The following ZMIZ2 variants were observed in gnomAD, a reference collection of about 807,000 sequenced individuals.
ZMIZ2 encodes the protein zinc finger MIZ domain-containing protein 2.
A neutral mutation model predicts 93.9 loss-of-function variants in ZMIZ2; 26 were observed. The observed-to-expected ratio is 0.28, with a 90% CI of 0.20 to 0.38. The LOEUF is 0.38. Among genes scored for constraint, ZMIZ2 ranks in the 10% least tolerant of loss-of-function variants. The probability of loss-of-function intolerance (pLI) is 1.00; values close to 1 mark genes in which losing one functional copy is unlikely to be tolerated. For missense variants in ZMIZ2, 1,023 were observed against 1,235.0 expected (o/e 0.83, Z 2.57); for synonymous variants, 485 against 516.4 (o/e 0.94, Z 0.82).
chr7:44,765,801 T>G lies in ZMIZ2; in HGVS notation c.2242+222T>G. 1.0e-6 allele frequency: 1 copy of G among 984,296 alleles called. No individual in the cohort carries two copies. The highest frequency in any genetic ancestry group is 1.4e-6 in the Non-Finnish European group (1 of 693,230). The allele number at this position is 984,296 out of a possible 1,614,324, so 61.0% of individuals were successfully genotyped here. ...AGCTATGGTCCCAGGAAACAGACAG[T>G]GGGGCCTCCACCCTTCCTTCCCCGT... On this transcript the variant is annotated intron_variant, in intron 16 of 18. Transcript: ENST00000309315. This position sits in a 1 kb window ranked among gnomAD's most constrained non-coding sequence, Gnocchi z 4.1.
intron 1 of ZMIZ2, among the ~76,000 whole-genome samples, chr7:44,751,916 C>A (rs377364047): frequency 6.6e-6 from 1 of 151,204 alleles, no homozygotes; most frequent in Admixed American, 6.6e-5. Flanking sequence ...GAGCCTAGAT[C>A]GTGCCACTGC....
Position 44,765,207 on chromosome 7 carries a change from G to C in ZMIZ2, c.1998-128G>C. On this transcript the variant is annotated intron_variant, in intron 15 of 18. Transcript: ENST00000309315. The surrounding 1 kb of genome is among the most constrained non-coding windows in gnomAD (Gnocchi z 4.1). ...GCCCAGCGTCCTGCTCGATGTGGAA[G>C]GTGCTGGGTGGAAGCAAGCATTTGA... 1 of 1,527,626 alleles carries C rather than the reference G, an allele frequency of 6.5e-7. No individual in the cohort carries two copies. The highest frequency in any genetic ancestry group is 8.8e-7 in the Non-Finnish European group (1 of 1,131,076). 94.6% of individuals were successfully genotyped at this position (1,527,626 alleles called of 1,614,324 possible).
At chr7:44,753,165 CTCTT>C (rs1353687496) in intron 1 of ZMIZ2, among the ~76,000 whole-genome samples, 3 of 150,054 alleles carry the variant, frequency 2.0e-5, no homozygotes, top group African/African-American at 4.9e-5. Context: ...GGCAAAGTGT[CTCTT>C]TATGTTTTTT....
In ZMIZ2 at chr7:44,766,249, G is replaced by A. The variant is rs1415519643; in HGVS notation, c.2328G>A (p.Pro776=). 1.1e-5 allele frequency: 13 copies of A among 1,138,832 alleles called. No individual in the cohort carries two copies. The highest frequency in any genetic ancestry group is 1.5e-5 in the Non-Finnish European group (12 of 821,416). 70.5% of individuals were successfully genotyped at this position (1,138,832 alleles called of 1,614,324 possible). Residue 776 remains proline (P), a synonymous_variant, in exon 17 of 19, where the codon CCG becomes CCA. Transcript: ENST00000309315. The surrounding 1 kb of genome is among the most constrained non-coding windows in gnomAD (Gnocchi z 4.4). ...PSTPTLAEFT[P]GPPPISYQSD... ...CCCCAACCCTTGCTGAGTTCACCCC[G>A]GGACCACCCCCCATCTCCTACCAGT...
rs753815627 is a variant in ZMIZ2 at position 44,765,387 on chromosome 7, C to T, written c.2050C>T (p.Pro684Ser). The change falls in exon 16 of 19, where the codon CCC (proline) becomes TCC (serine). Residue 684 changes from proline (P) to serine (S), a missense_variant. Physicochemically the swap from Pro to Ser is moderately conservative, Grantham distance 74. Transcript: ENST00000309315. This position sits in a 1 kb window ranked among gnomAD's most constrained non-coding sequence, Gnocchi z 4.1. ...IDPTCSWKPV[P>S]VKPDMHIKEE... The stretch of plus-strand genomic sequence containing the variant: ...CCCCACGTGCAGCTGGAAGCCAGTG[C>T]CCGTGAAGCCTGACATGCACATCAA... 2.5e-6 allele frequency: 4 copies of T among 1,613,304 alleles called. No homozygotes were observed. Among genetic ancestry groups the T allele is most frequent in the Admixed American group, 3.3e-5 (2 of 60,022 alleles).
chr7:44,761,142 G>A lies in ZMIZ2; in HGVS notation c.1241-307G>A, dbSNP rs1791134160. ...GCCTCCCAGTCTCTCTGAAAGCACT[G>A]GAAACACCTTTTGTCTGGGCTGGGG... On this transcript the variant is annotated intron_variant, in intron 9 of 18. Coordinates refer to ENST00000309315, the MANE Select transcript of ZMIZ2 (RefSeq NM_031449.4). This position sits in a 1 kb window ranked among gnomAD's most constrained non-coding sequence, Gnocchi z 5.8. Among the ~76,000 whole-genome samples, 1 of 152,230 alleles carries A rather than the reference G, an allele frequency of 6.6e-6. No individual in the cohort carries two copies. The highest frequency in any genetic ancestry group is 2.1e-4 in the South Asian group (1 of 4,830).
At chr7:44,762,055 C>G in intron 11 of ZMIZ2, 150 bp downstream of exon 11, 2 of 1,041,146 alleles carry the variant, frequency 1.9e-6, no homozygotes, top group Non-Finnish European at 2.6e-6. Context: ...GGCGGGCCGG[C>G]CTGCAGCACC....
chr7:44,762,264 C>T (rs1425853093), intron 11 of ZMIZ2, among the ~76,000 whole-genome samples: 1 of 152,224 alleles, frequency 6.6e-6, no homozygotes, highest in African/African-American at 2.4e-5. Flanking sequence ...TATACCCTAG[C>T]TGTTTTCCAG....
At position 44,749,195 on chromosome 7, in the gene ZMIZ2, C is replaced by CT. The variant is rs1162765618; in HGVS notation, c.-63+205dup. ...TGGGGCTAGAGGCTCTGCCGCCCACCTGCCGGCACCTGCCACGCGTGCGTC... is the reference window on the plus strand; with the variant it reads ...TGGGGCTAGAGGCTCTGCCGCCCACCTTGCCGGCACCTGCCACGCGTGCGTC... On this transcript the variant is annotated intron_variant, in intron 1 of 18. Coordinates refer to ENST00000309315, the MANE Select transcript of ZMIZ2 (RefSeq NM_031449.4). 3.9e-5 allele frequency among the ~76,000 whole-genome samples: 6 copies of CT among 152,288 alleles called. No individual in the cohort carries two copies. In the East Asian group the frequency reaches 1.2e-3, roughly 30 times the overall value.
chr7:44,751,881 G>A (rs1456622148), intron 1 of ZMIZ2, among the ~76,000 whole-genome samples: 2 of 151,914 alleles, frequency 1.3e-5, no homozygotes, highest in African/African-American at 4.8e-5. Flanking sequence ...AGAATCGCTT[G>A]AACCTGGGAG....
chr7:44,760,532 C>G lies in ZMIZ2; in HGVS notation c.1179C>G (p.Val393=). The G allele has an allele frequency of 6.2e-7, 1 of 1,614,162 alleles. No individual in the cohort carries two copies. The highest frequency in any genetic ancestry group is 8.5e-7 in the Non-Finnish European group (1 of 1,180,030). Residue 393 remains valine (V), a synonymous_variant, in exon 9 of 19, where the codon GTC becomes GTG. Coordinates refer to ENST00000309315, the MANE Select transcript of ZMIZ2 (RefSeq NM_031449.4). ...CTTACATGTCACCAAACCAAGAGGT[C>G]AAGTCTCCCTTCTTGCCTGATCTCA... ...SVPYMSPNQE[V]KSPFLPDLKP...
In ZMIZ2 at chr7:44,766,518, A is replaced by G. The variant is rs748134289; in HGVS notation, c.2510A>G (p.His837Arg). 6.8e-5 allele frequency: 110 copies of G among 1,613,966 alleles called. No individual in the cohort carries two copies. The East Asian group carries it at 2.4e-3, about 35-fold the overall frequency. Reference protein sequence around the residue: ...LGAPPGPQLHHSNPPPASRQS... With the variant: ...LGAPPGPQLHRSNPPPASRQS... ...GCCCCTCCAGGTCCCCAGCTGCACC[A>G]TTCAAACCCTCCCCCAGCGTCCCGG... Residue 837 changes from histidine (H) to arginine (R), a missense_variant, in exon 18 of 19, where the codon CAT becomes CGT. Transcript: ENST00000309315. This position sits in a 1 kb window ranked among gnomAD's most constrained non-coding sequence, Gnocchi z 4.4.
intron 5 of ZMIZ2, 51 bp downstream of exon 5, chr7:44,757,612 G>A (rs1014155050): frequency 2.6e-6 from 4 of 1,538,798 alleles, no homozygotes; most frequent in Admixed American, 2.0e-5. Context: ...TGAGGGCCTG[G>A]GAGGAGGTAC....
rs768309589 is a variant in ZMIZ2 at position 44,765,616 on chromosome 7, C to T, written c.2242+37C>T. The T allele has an allele frequency of 3.2e-5, 51 of 1,577,626 alleles. No homozygotes were observed. The East Asian group carries it at 4.1e-4, about 13-fold the overall frequency. ...AGGCTAGCCTTGAACCTCAGATGACCCTGGGCATATGGCTCCTCTCCCCAG... is the reference window on the plus strand; with the variant it reads ...AGGCTAGCCTTGAACCTCAGATGACTCTGGGCATATGGCTCCTCTCCCCAG... On this transcript the variant is annotated intron_variant, in intron 16 of 18. Transcript: ENST00000309315. This position sits in a 1 kb window ranked among gnomAD's most constrained non-coding sequence, Gnocchi z 4.1.
At chr7:44,756,853 A>T in intron 3 of ZMIZ2, 94 bp from the exon 4 acceptor site, 1 of 1,368,552 alleles carries the variant, frequency 7.3e-7, no homozygotes, top group Non-Finnish European at 1.0e-6. Flanking sequence ...CCCCCAACCC[A>T]CTTGCCAGGC....
intron 1 of ZMIZ2, among the ~76,000 whole-genome samples, chr7:44,752,779 C>T (rs1790268084): frequency 6.6e-6 from 1 of 152,202 alleles, no homozygotes; most frequent in Admixed American, 6.5e-5. Flanking sequence ...GGGCTGTTTC[C>T]ATTCCATAGC....
rs1457770188 is a variant in ZMIZ2, at chr7:44,756,413, C to T, written c.51-12C>T. The T allele has an allele frequency of 6.2e-7, 1 of 1,614,048 alleles. No homozygotes were observed. Among genetic ancestry groups the T allele is most frequent in the African/African-American group, 1.3e-5 (1 of 75,056 alleles). On this transcript the variant is annotated splice_polypyrimidine_tract_variant and intron_variant, in intron 2 of 18. Transcript: ENST00000309315. ...TTCCTGACCCAGGCCTCAGCAGCCT[C>T]TTTCCCTGCAGTGATGGTTCATTCG...
In ZMIZ2 at chr7:44,768,498, T is replaced by C. The variant is rs1186227071; in HGVS notation, c.*875T>C. 2.6e-5 allele frequency: 4 copies of C among 152,176 alleles called. No homozygotes were observed. The highest frequency in any genetic ancestry group is 9.7e-5 in the African/African-American group (4 of 41,426). 9.4% of individuals were successfully genotyped at this position (152,176 alleles called of 1,614,324 possible). A position where few individuals can be genotyped will look rare whatever the true frequency, so the allele number is the denominator to read the frequency against. ...TGCGCTCCCAAGTTCCCCTTCTCTGTGAAAGTGAAGAATTAGTACAGCTGT... is the reference window on the plus strand; with the variant it reads ...TGCGCTCCCAAGTTCCCCTTCTCTGCGAAAGTGAAGAATTAGTACAGCTGT... On this transcript the variant is annotated 3_prime_UTR_variant, in exon 19 of 19. Transcript: ENST00000309315.
chr7:44,756,903 C>A, intron 3 of ZMIZ2, 44 bp from the exon 4 acceptor site: 1 of 1,607,888 alleles, frequency 6.2e-7, no homozygotes, highest in Non-Finnish European at 8.5e-7. Context: ...GCATGAAGCA[C>A]GTTGTTTGGC....
Sources: allele counts gnomAD v4.1 joint callset (sites outside exome capture counted in the v4.1 genomes callset), GRCh38; gene constraint gnomAD v4.1.1; non-coding constraint Gnocchi (gnomAD v3.1); transcripts MANE v1.5; gene names NCBI Gene and HGNC (gene_info 2026-07-23, HGNC 2026-07-21).